The following CTSE variants were observed in gnomAD, a reference collection of about 807,000 sequenced individuals.
CTSE encodes cathepsin E, also known as erythrocyte membrane aspartic proteinase.
CTSE carries 43 observed loss-of-function variants against 42.8 expected under a neutral mutation model. The ratio of observed to expected loss-of-function variants is 1.01; its 90% CI spans 0.79 to 1.30. CTSE has a LOEUF of 1.30. Among genes scored for constraint, CTSE ranks in the 50% most tolerant of loss-of-function variants. CTSE has a pLI of 0.00. For missense variants in CTSE, 532 were observed against 493.5 expected (o/e 1.08, Z -0.74); for synonymous variants, 205 against 191.5 (o/e 1.07, Z -0.58).
intron 4 of CTSE, 89 bp downstream of exon 4, chr1:206,020,960 A>T: frequency 1.0e-6 from 1 of 979,848 alleles, no homozygotes; most frequent in Admixed American, 1.8e-5. Context: ...GTTTCCACCC[A>T]TTCCTGAGGC....
In CTSE at chr1:206,015,277, C is replaced by T. The variant is rs149107089; in HGVS notation, c.662+654G>A. 8.5e-5 allele frequency among the ~76,000 whole-genome samples: 13 copies of T among 152,186 alleles called. No individual in the cohort carries two copies. The East Asian group carries it at 2.1e-3, about 25-fold the overall frequency. On this transcript the variant is annotated intron_variant, in intron 5 of 8. Transcript: ENST00000358184. Reference sequence around the variant, plus strand: ...TTTATACCCATTAGGCCATCAACAACGGTTTAAGAATTCCTCACTTCCCCT... The same window carrying T: ...TTTATACCCATTAGGCCATCAACAATGGTTTAAGAATTCCTCACTTCCCCT...
intron 2 of CTSE, 83 bp downstream of exon 2, chr1:206,022,818 C>T: frequency 1.5e-6 from 2 of 1,304,406 alleles, no homozygotes; most frequent in East Asian, 2.5e-5. Flanking sequence ...TTCGGTGCTA[C>T]TGATGTGGCA....
rs199852986 is a variant in CTSE at position 206,012,492 on chromosome 1, G to T, written c.927+16C>A. On this transcript the variant is annotated intron_variant, in intron 7 of 8. Coordinates refer to ENST00000358184, the MANE Select transcript of CTSE (RefSeq NM_001910.4). ...TCTCCTGTCCCCACCACTCCCTTGC[G>T]CAGGCAGGCACTCACTTCTCCATCC... The T allele has an allele frequency of 6.2e-7, 1 of 1,613,874 alleles. No individual in the cohort carries two copies. The highest frequency in any genetic ancestry group is 8.5e-7 in the Non-Finnish European group (1 of 1,179,878).
At chr1:206,011,717 C>T (rs28589702) in intron 8 of CTSE, among the ~76,000 whole-genome samples, 2,543 of 151,904 alleles carry the variant, frequency 0.017, 91 homozygotes, top group African/African-American at 0.059. Context: ...AGTGTGGTGC[C>T]GAATACCTAG....
chr1:206,011,156 G>A (rs1054244116), intron 8 of CTSE, among the ~76,000 whole-genome samples: 23 of 151,954 alleles, frequency 1.5e-4, no homozygotes, highest in Non-Finnish European at 2.2e-4. Context: ...TGATCCACCC[G>A]CCTCGGCCTC....
At position 206,012,520 on chromosome 1, in the gene CTSE, G is replaced by C. The variant is rs782132606; in HGVS notation, c.915C>G (p.Pro305=). 35 of 1,613,850 alleles carry C rather than the reference G, an allele frequency of 2.2e-5. No homozygotes were observed. The highest frequency in any genetic ancestry group is 2.7e-5 in the African/African-American group (2 of 74,922). ...KQLQNAIGAA[P]VDGEYAVECA... is the part of the protein sequence containing the mutation. ...GGCAGGCACTCACTTCTCCATCCAC[G>C]GGGGCTGCCCCAATGGCGTTTTGCA... The change falls in exon 7 of 9, where the codon CCC becomes CCG. Residue 305 remains proline (P), a synonymous_variant. Coordinates refer to ENST00000358184, the MANE Select transcript of CTSE (RefSeq NM_001910.4).
In CTSE at chr1:206,022,282, G is replaced by C. The variant is rs1553278579; in HGVS notation, c.226-15C>G. The C allele has an allele frequency of 5.1e-6, 8 of 1,570,604 alleles. No homozygotes were observed. Among genetic ancestry groups the C allele is most frequent in the South Asian group, 2.3e-5 (2 of 87,672 alleles). On this transcript the variant is annotated splice_polypyrimidine_tract_variant and intron_variant, in intron 2 of 8. Coordinates refer to ENST00000358184, the MANE Select transcript of CTSE (RefSeq NM_001910.4). ...AAGTATTCCATCTGCAAGGAAGAGTGAGAAGGAAAGAGGGTGTGGGTGGTG... is the reference window on the plus strand; with the variant it reads ...AAGTATTCCATCTGCAAGGAAGAGTCAGAAGGAAAGAGGGTGTGGGTGGTG...
In CTSE at chr1:206,021,127, G is replaced by A. The variant is rs782640177; in HGVS notation, c.384C>T (p.Tyr128=). The A allele has an allele frequency of 6.2e-6, 10 of 1,613,602 alleles. No homozygotes were observed. The African/African-American group carries it at 6.7e-5, about 11-fold the overall frequency. ...SRFQPSQSST[Y]SQPGQSFSIQ... The stretch of plus-strand genomic sequence containing the variant: ...TGGAGAAAGATTGACCTGGCTGGCT[G>A]TATGTGCTGGACTGGGAAGGCTGGA... The change falls in exon 4 of 9, where the codon TAC becomes TAT. Residue 128 remains tyrosine (Y), a synonymous_variant. Coordinates refer to ENST00000358184, the MANE Select transcript of CTSE (RefSeq NM_001910.4).
In CTSE at chr1:206,023,749, C is replaced by A; in HGVS notation, c.43G>T (p.Gly15Ter). ...CTGTGAAGGGATCCTTGGGCCTCTC[C>A]CAGCTCCAGGAGCACCAGCAGCAAA... ...LLLLLVLLELGEAQGSLHRVP... is the reference protein window; with the variant it reads ...LLLLLVLLEL The change falls in exon 1 of 9, where the codon GGA becomes TGA. Residue 15 changes from glycine (G) to a stop codon, truncating the protein, a stop_gained. Coordinates refer to ENST00000358184, the MANE Select transcript of CTSE (RefSeq NM_001910.4). LOFTEE classifies it high-confidence loss of function. The A allele has an allele frequency of 6.2e-7, 1 of 1,613,788 alleles. No homozygotes were observed. The highest frequency in any genetic ancestry group is 8.5e-7 in the Non-Finnish European group (1 of 1,179,796).
At chr1:206,013,477 C>T (rs1237776669) in intron 6 of CTSE, among the ~76,000 whole-genome samples, 1 of 152,046 alleles carries the variant, frequency 6.6e-6, no homozygotes, top group South Asian at 2.1e-4. Context: ...CCATGTTACT[C>T]ATCCCTTGCC....
rs546330349 is a variant in CTSE, at chr1:206,009,770, G to A, written c.*413C>T. On this transcript the variant is annotated 3_prime_UTR_variant, in exon 9 of 9. Transcript: ENST00000358184. ...CATGTGGAGCTGGAGAGAGGAGTGG[G>A]CAGCAGTGTAGATAAACAGGCCTGG... 2 of 205,218 alleles carry A rather than the reference G, an allele frequency of 9.7e-6. No homozygotes were observed. Among genetic ancestry groups the A allele is most frequent in the East Asian group, 2.6e-4 (2 of 7,728 alleles). 12.7% of individuals were successfully genotyped at this position (205,218 alleles called of 1,614,324 possible). A position where few individuals can be genotyped will look rare whatever the true frequency, so the allele number is the denominator to read the frequency against.
chr1:206,023,085 A>G (rs1553278736), intron 1 of CTSE, 28 bp from the exon 2 acceptor site: 2 of 1,401,418 alleles, frequency 1.4e-6, no homozygotes, highest in Non-Finnish European at 1.9e-6. Context: ...TGTAAGCAGG[A>G]GATGTACTTC....
chr1:206,022,338 A>G, intron 2 of CTSE, 71 bp from the exon 3 acceptor site: 1 of 1,106,584 alleles, frequency 9.0e-7, no homozygotes. Flanking sequence ...CCAGGAAGCC[A>G]GGGGAAAGCT....
intron 3 of CTSE, chr1:206,021,430 A>G: frequency 5.0e-6 from 2 of 401,636 alleles, no homozygotes. Context: ...CACCAAGATA[A>G]GTGTCATTTA....
At chr1:206,012,247 G>C in intron 8 of CTSE, 61 bp downstream of exon 8, 2 of 1,372,550 alleles carry the variant, frequency 1.5e-6, no homozygotes, top group East Asian at 2.3e-5. Flanking sequence ...GATTGAAAAG[G>C]GGAAGTGGCA....
At position 206,022,881 on chromosome 1, in the gene CTSE, C is replaced by G; in HGVS notation, c.225+20G>C. 6.4e-7 allele frequency: 1 copy of G among 1,551,394 alleles called. No individual in the cohort carries two copies. The highest frequency in any genetic ancestry group is 1.2e-5 in the South Asian group (1 of 80,942). ...CTCCCGCTCCCACCTCTCCCCAGCC[C>G]TGACCCCAGGAGGCCTCACATCCAA... On this transcript the variant is annotated intron_variant, in intron 2 of 8. Coordinates refer to ENST00000358184, the MANE Select transcript of CTSE (RefSeq NM_001910.4).
chr1:206,022,364 C>T (rs559134035), intron 2 of CTSE, 97 bp from the exon 3 acceptor site: 12 of 795,884 alleles, frequency 1.5e-5, no homozygotes, highest in African/African-American at 5.1e-5. Context: ...GGGCCAGAGC[C>T]TGGGGTAATA....
At chr1:206,019,459 T>C (rs1466675675) in intron 4 of CTSE, among the ~76,000 whole-genome samples, 2 of 151,902 alleles carry the variant, frequency 1.3e-5, no homozygotes, top group Non-Finnish European at 2.9e-5. Flanking sequence ...GCACACCTGG[T>C]CCTGGAGCCA....
intron 4 of CTSE, among the ~76,000 whole-genome samples, chr1:206,019,848 A>T (rs1203081387): frequency 7.0e-6 from 1 of 141,876 alleles, no homozygotes; most frequent in African/African-American, 2.6e-5. Context: ...ATAATAGGTT[A>T]ATCTATTATA....
Sources: allele counts gnomAD v4.1 joint callset (sites outside exome capture counted in the v4.1 genomes callset), GRCh38; gene constraint gnomAD v4.1.1; transcripts MANE v1.5; gene names NCBI Gene and HGNC (gene_info 2026-07-23, HGNC 2026-07-21).